The following MAN2C1 variants were observed in gnomAD, a reference collection of about 807,000 sequenced individuals.
MAN2C1 encodes mannosidase alpha class 2C member 1.
In MAN2C1, 111 loss-of-function variants were observed where a neutral mutation model predicts 126.9. The observed-to-expected ratio is 0.87, with a 90% CI of 0.75 to 1.02. The LOEUF (loss-of-function observed/expected upper bound fraction) is 1.02. MAN2C1 is among the 50% of genes least tolerant of loss of function. The pLI is 0.00. For synonymous variants in MAN2C1, 567 were observed against 561.5 expected (o/e 1.01, Z -0.14); for missense variants, 1,363 against 1,364.4 (o/e 1.00, Z 0.02).
intron 6 of MAN2C1, 41 bp downstream of exon 6, chr15:75,363,958 A>G (rs1424075348): frequency 6.2e-7 from 1 of 1,606,436 alleles, no homozygotes. Context: ...CTTCAAGGGC[A>G]CTCCTGCTTC....
In MAN2C1 at chr15:75,356,874, G is replaced by A. The variant is rs971965169; in HGVS notation, c.2576C>T (p.Ser859Leu). Reference protein sequence around the residue: ...EVWAHRWMDLSEHGFGLALLN... With the variant: ...EVWAHRWMDLLEHGFGLALLN... The stretch of plus-strand genomic sequence containing the variant: ...CAGGGCCAGCCCAAAGCCGTGTTCT[G>A]ACAGATCCATCCAGCGATGGGCCCA... The change falls in exon 22 of 26, where the codon TCA (serine) becomes TTA (leucine). Residue 859 changes from serine to leucine, a missense_variant. Physicochemically the swap from Ser to Leu is moderately radical, Grantham distance 145. Transcript: ENST00000267978. This position sits in a 1 kb window ranked among gnomAD's most constrained non-coding sequence, Gnocchi z 5.8. 2 of 1,614,112 alleles carry A rather than the reference G, an allele frequency of 1.2e-6. No homozygotes were observed. The highest frequency in any genetic ancestry group is 1.6e-4 in the Middle Eastern group (1 of 6,062).
chr15:75,360,892 C>T, intron 12 of MAN2C1, 154 bp downstream of exon 12: 1 of 1,208,062 alleles, frequency 8.3e-7, no homozygotes, highest in Non-Finnish European at 1.1e-6. Context: ...TTCTCCCCCA[C>T]CCACCCCCAG....
At chr15:75,368,273 C>T in intron 1 of MAN2C1, 75 bp from the exon 2 acceptor site, 1 of 1,525,816 alleles carries the variant, frequency 6.6e-7, no homozygotes, top group East Asian at 2.4e-5. Flanking sequence ...GCCGGTGGGG[C>T]CGCACTTTCC....
In MAN2C1 at chr15:75,362,544, G is replaced by A. The variant is rs532617727; in HGVS notation, c.898-91C>T. On this transcript the variant is annotated intron_variant, in intron 7 of 25. Coordinates refer to ENST00000267978, the MANE Select transcript of MAN2C1 (RefSeq NM_006715.4). The surrounding 1 kb of genome is among the most constrained non-coding windows in gnomAD (Gnocchi z 4.5). ...GGACTCAGTGTGTGGCTGAGGGTGA[G>A]GAGCAGCCCTGACCCCAGGCCTGGG... is the stretch of plus-strand genomic sequence containing the variant. 1.1e-4 allele frequency: 160 copies of A among 1,521,330 alleles called. No individual in the cohort carries two copies. The highest frequency in any genetic ancestry group is 4.1e-5 in the Non-Finnish European group (46 of 1,109,892). 94.2% of individuals were successfully genotyped at this position (1,521,330 alleles called of 1,614,324 possible).
chr15:75,363,584 T>A (rs1489127208), intron 6 of MAN2C1, among the ~76,000 whole-genome samples: 1 of 152,174 alleles, frequency 6.6e-6, no homozygotes, highest in Non-Finnish European at 1.5e-5. Context: ...GGCAGGCGGA[T>A]CACCTGAGGT....
rs1187996555 is a variant in MAN2C1, at chr15:75,368,515, C to T, written c.69G>A (p.Pro23=). 1.3e-6 allele frequency: 2 copies of T among 1,555,936 alleles called. No individual in the cohort carries two copies. The highest frequency in any genetic ancestry group is 8.7e-7 in the Non-Finnish European group (1 of 1,150,430). Residue 23 remains proline, a synonymous_variant, in exon 1 of 26, where the codon CCG becomes CCA. Coordinates refer to ENST00000267978, the MANE Select transcript of MAN2C1 (RefSeq NM_006715.4). ...TLERVEKFVS[P]LYFTDCNLRG... ...GGAGGTTACAGTCGGTAAAGTAGAG[C>T]GGCGACACGAACTTCTCCACCCGCT... is the stretch of plus-strand genomic sequence containing the variant.
chr15:75,368,148 G>T lies in MAN2C1; in HGVS notation c.152C>A (p.Pro51Gln). ...PVAVLSSFLT[P>Q]ERLPYQEAVQ... The stretch of plus-strand genomic sequence containing the variant: ...TGCCTCCTGGTAGGGAAGTCTCTCC[G>T]GCGTCAGGAAGCTGGAGAGCACAGC... Residue 51 changes from proline (P) to glutamine (Q), a missense_variant, in exon 2 of 26, where the codon CCG (proline) becomes CAG (glutamine). By Grantham distance (76) the Pro-to-Gln change is moderately conservative. Coordinates refer to ENST00000267978, the MANE Select transcript of MAN2C1 (RefSeq NM_006715.4). 1 of 1,604,890 alleles carries T rather than the reference G, an allele frequency of 6.2e-7. No individual in the cohort carries two copies. Among genetic ancestry groups the T allele is most frequent in the Non-Finnish European group, 8.5e-7 (1 of 1,177,042 alleles).
rs189236036 is a variant in MAN2C1, at chr15:75,359,803, G to A, written c.1793-28C>T. Reference sequence around the variant, plus strand: ...GAGGAAAGACTGGCTGGTCATAGGTGGGCAACAGGTCTGGAATGTGCCCAT... The same window carrying A: ...GAGGAAAGACTGGCTGGTCATAGGTAGGCAACAGGTCTGGAATGTGCCCAT... On this transcript the variant is annotated intron_variant, in intron 15 of 25. Transcript: ENST00000267978. 56 of 1,613,686 alleles carry A rather than the reference G, an allele frequency of 3.5e-5. 1 individual carries two copies. The African/African-American group carries it at 6.7e-4, about 19-fold the overall frequency.
chr15:75,367,956 C>T, intron 2 of MAN2C1, 117 bp downstream of exon 2: 1 of 1,323,798 alleles, frequency 7.6e-7, no homozygotes, highest in Non-Finnish European at 1.0e-6. Context: ...GCAGAGGGTG[C>T]TGCTCGATCC....
chr15:75,362,789 G>C lies in MAN2C1; in HGVS notation c.791-41C>G. ...GGTGGAGGACAGAGGGAGCAGCAAG[G>C]CTGACCAGGCCTGGGCTGGGACTCC... On this transcript the variant is annotated intron_variant, in intron 6 of 25. Coordinates refer to ENST00000267978, the MANE Select transcript of MAN2C1 (RefSeq NM_006715.4). This position sits in a 1 kb window ranked among gnomAD's most constrained non-coding sequence, Gnocchi z 4.5. 6.4e-7 allele frequency: 1 copy of C among 1,564,050 alleles called. No individual in the cohort carries two copies. The highest frequency in any genetic ancestry group is 8.8e-7 in the Non-Finnish European group (1 of 1,136,074).
Position 75,359,718 on chromosome 15 carries a change from C to G in MAN2C1, c.1850G>C (p.Gly617Ala). Reference protein sequence around the residue: ...LSAAAAALCAGEPGPEGLLIV... With the variant: ...LSAAAAALCAAEPGPEGLLIV... ...GAGGAGGCCCTCAGGACCTGGCTCCCCAGCACACAGGGCTGCGGCTGCAGC... is the reference window on the plus strand; with the variant it reads ...GAGGAGGCCCTCAGGACCTGGCTCCGCAGCACACAGGGCTGCGGCTGCAGC... Residue 617 changes from glycine (G) to alanine (A), a missense_variant, in exon 16 of 26, where the codon GGG becomes GCG. Transcript: ENST00000267978. The G allele has an allele frequency of 6.2e-7, 1 of 1,614,144 alleles. No individual in the cohort carries two copies. Among genetic ancestry groups the G allele is most frequent in the Non-Finnish European group, 8.5e-7 (1 of 1,180,034 alleles).
rs147452674 is a variant in MAN2C1 at position 75,359,635 on chromosome 15, C to T, written c.1933G>A (p.Gly645Arg). The T allele has an allele frequency of 8.7e-4, 1,409 of 1,614,018 alleles. 2 individuals are homozygous for T. Among genetic ancestry groups the T allele is most frequent in the Non-Finnish European group, 1.0e-3 (1,218 of 1,179,984 alleles). ...CAGCTCGTACCTAGGCTGTGGGCCC[C>T]GCCCGGTTTGGGCAGGGCCATCACT... ...IEVMALPKPG[G>R]AHSLALVTVP... The change falls in exon 16 of 26, where the codon GGG (glycine) becomes AGG (arginine). Residue 645 changes from glycine to arginine, a missense_variant. This residue lies in a region of MAN2C1 where 668 missense variants were observed against 650.1 expected (regional missense o/e 1.03). Transcript: ENST00000267978.
rs556662319 is a variant in MAN2C1 at position 75,360,906 on chromosome 15, G to A, written c.1460+140C>T. 1.3e-5 allele frequency: 17 copies of A among 1,266,188 alleles called. No individual in the cohort carries two copies. In the South Asian group the frequency reaches 2.3e-4, roughly 17 times the overall value. The allele number at this position is 1,266,188 out of a possible 1,614,324, so 78.4% of individuals were successfully genotyped here. ...CTTCTCCCCCACCCACCCCCAGGGTGGAAGTTTGGAGGAACCCGTGGTCTA... is the reference window on the plus strand; with the variant it reads ...CTTCTCCCCCACCCACCCCCAGGGTAGAAGTTTGGAGGAACCCGTGGTCTA... On this transcript the variant is annotated intron_variant, in intron 12 of 25. Coordinates refer to ENST00000267978, the MANE Select transcript of MAN2C1 (RefSeq NM_006715.4).
rs376529660 is a variant in MAN2C1 at position 75,368,215 on chromosome 15, G to A, written c.102-17C>T. On this transcript the variant is annotated splice_polypyrimidine_tract_variant and intron_variant, in intron 1 of 25. Transcript: ENST00000267978. Reference sequence around the variant, plus strand: ...CCAAAAAGCCTGCGTGGGACGGGCCGGTGGGCACATGCTGGAGGCCGCCCC... The same window carrying A: ...CCAAAAAGCCTGCGTGGGACGGGCCAGTGGGCACATGCTGGAGGCCGCCCC... 3.1e-6 allele frequency: 5 copies of A among 1,594,346 alleles called. No individual in the cohort carries two copies. In the African/African-American group the frequency reaches 4.0e-5, roughly 13 times the overall value.
chr15:75,367,676 T>A, intron 2 of MAN2C1, 42 bp from the exon 3 acceptor site: 1 of 1,607,960 alleles, frequency 6.2e-7, no homozygotes, highest in Non-Finnish European at 8.5e-7. Flanking sequence ...GTAGAAGTCC[T>A]ATCCTGATAT....
In MAN2C1 at chr15:75,360,578, G is replaced by T. The variant is rs1444621907; in HGVS notation, c.1571C>A (p.Thr524Asn). 6.2e-7 allele frequency: 1 copy of T among 1,613,512 alleles called. No homozygotes were observed. The highest frequency in any genetic ancestry group is 2.2e-5 in the East Asian group (1 of 44,856). The change falls in exon 13 of 26, where the codon ACC becomes AAC. Residue 524 changes from threonine to asparagine, a missense_variant. By Grantham distance (65) the Thr-to-Asn change is moderately conservative. Transcript: ENST00000267978. Reference sequence around the variant, plus strand: ...CCTCCCCCTGACCTGGGCATGGGTGGTGTATGTGCCATTGTGCAGCTCCAA... The same window carrying T: ...CCTCCCCCTGACCTGGGCATGGGTGTTGTATGTGCCATTGTGCAGCTCCAA... ...LFLELHNGTY[T>N]THAQIKKGNR...
intron 1 of MAN2C1, 61 bp from the exon 2 acceptor site, chr15:75,368,259 G>T: frequency 2.0e-6 from 3 of 1,535,470 alleles, no homozygotes; most frequent in African/African-American, 1.4e-5. Flanking sequence ...CTGGGGGCCA[G>T]CTGGCCGGTG....
rs76619065 is a variant in MAN2C1, at chr15:75,362,251, G to A, written c.1008+92C>T. On this transcript the variant is annotated intron_variant, in intron 8 of 25. Coordinates refer to ENST00000267978, the MANE Select transcript of MAN2C1 (RefSeq NM_006715.4). The surrounding 1 kb of genome is among the most constrained non-coding windows in gnomAD (Gnocchi z 4.5). Reference sequence around the variant, plus strand: ...CACACAGCGGGGATGAGTGGCCCGTGGAAACTCACCAGCAAAGCCGGGAGG... The same window carrying A: ...CACACAGCGGGGATGAGTGGCCCGTAGAAACTCACCAGCAAAGCCGGGAGG... 475 of 1,154,508 alleles carry A rather than the reference G, an allele frequency of 4.1e-4. 6 individuals carry two copies. The East Asian group carries it at 0.011, about 27-fold the overall frequency. The allele number at this position is 1,154,508 out of a possible 1,614,324, so 71.5% of individuals were successfully genotyped here. A position where few individuals can be genotyped will look rare whatever the true frequency, so the allele number is the denominator to read the frequency against.
Position 75,358,204 on chromosome 15 carries a change from A to C in MAN2C1, c.2544T>G (p.Phe848Leu), listed in dbSNP as rs201620266. 1.2e-4 allele frequency: 190 copies of C among 1,614,122 alleles called. No individual in the cohort carries two copies. In the East Asian group the frequency reaches 3.5e-3, roughly 30 times the overall value. ...CTCCCACCCTGCCATGTCAGACCTC[A>C]AATCGAGCCCAGTCCCAAGAGGTAT... The part of the protein sequence containing the change: ...HYNTSWDWAR[F>L]EVWAHRWMDL... The change falls in exon 21 of 26, where the codon TTT (phenylalanine) becomes TTG (leucine). Residue 848 changes from phenylalanine (F) to leucine (L), a missense_variant. By Grantham distance (22) the Phe-to-Leu change is conservative. Coordinates refer to ENST00000267978, the MANE Select transcript of MAN2C1 (RefSeq NM_006715.4).
Sources: allele counts gnomAD v4.1 joint callset (sites outside exome capture counted in the v4.1 genomes callset), GRCh38; gene constraint gnomAD v4.1.1; regional missense constraint gnomAD v4.1.1; non-coding constraint Gnocchi (gnomAD v3.1); transcripts MANE v1.5; gene names NCBI Gene and HGNC (gene_info 2026-07-23, HGNC 2026-07-21).